Variants in DIP2C observed in about 807,000 individuals in gnomAD.
DIP2C encodes the protein DIP2 acetate--CoA ligase C (putative).
DIP2C carries 33 observed loss-of-function variants against 192.4 expected under a neutral mutation model. That is an observed-to-expected ratio of 0.17 (90% CI 0.13 to 0.23). The LOEUF is 0.23. Among genes scored for constraint, DIP2C ranks in the 10% least tolerant of loss-of-function variants. The probability of loss-of-function intolerance (pLI) is 1.00; values close to 1 mark genes in which losing one functional copy is unlikely to be tolerated. For synonymous variants in DIP2C, 979 were observed against 864.1 expected (o/e 1.13, Z -2.33); for missense variants, 1,537 against 2,110.1 (o/e 0.73, Z 5.32).
At position 361,844 on chromosome 10, in the gene DIP2C, A is replaced by C. The variant is rs542866529; in HGVS notation, c.2794+646T>G. Among the ~76,000 whole-genome samples, 15 of 152,296 alleles carry C rather than the reference A, an allele frequency of 9.8e-5. No homozygotes were observed. In the South Asian group the frequency reaches 1.0e-3, roughly 11 times the overall value. On this transcript the variant is annotated intron_variant, in intron 22 of 36. Coordinates refer to ENST00000280886, the MANE Select transcript of DIP2C (RefSeq NM_014974.3). ...GCCCATGGCTTGAGCGGCTCCCAAC[A>C]GAAGGCCACGCACCCACAGAATGTG...
rs768277382 is a variant in DIP2C at position 276,629 on chromosome 10, T to C, written c.*696A>G. The C allele has an allele frequency of 6.6e-6, 1 of 152,644 alleles. No individual in the cohort carries two copies. Among genetic ancestry groups the C allele is most frequent in the African/African-American group, 2.4e-5 (1 of 41,442 alleles). The allele number at this position is 152,644 out of a possible 1,614,324, so 9.5% of individuals were successfully genotyped here. ...TAATTACATATTGAGGAAGTTAACTTATTTTATCTTTTTAGTTTAGTACAA... is the reference window on the plus strand; with the variant it reads ...TAATTACATATTGAGGAAGTTAACTCATTTTATCTTTTTAGTTTAGTACAA... On this transcript the variant is annotated 3_prime_UTR_variant, in exon 37 of 37. Transcript: ENST00000280886.
At chr10:657,888 C>T (rs1274078960) in intron 1 of DIP2C, among the ~76,000 whole-genome samples, 1 of 146,220 alleles carries the variant, frequency 6.8e-6, no homozygotes, top group Admixed American at 6.9e-5. Flanking sequence ...TGGACCTGCC[C>T]CTGGACCTGC....
chr10:591,060 T>TA (rs1256645906), intron 1 of DIP2C, among the ~76,000 whole-genome samples: 1 of 152,032 alleles, frequency 6.6e-6, no homozygotes, highest in Non-Finnish European at 1.5e-5. Context: ...ATCCTGTCAC[T>TA]AAAAAATGAA....
chr10:631,226 T>C (rs1854500208), intron 1 of DIP2C: 1 of 152,250 alleles, frequency 6.6e-6, no homozygotes, highest in African/African-American at 2.4e-5. Context: ...AATTGTTAAT[T>C]TAATTAAAAC....
chr10:610,511 G>A (rs1355880707), intron 1 of DIP2C, among the ~76,000 whole-genome samples: 2 of 152,238 alleles, frequency 1.3e-5, no homozygotes, highest in African/African-American at 4.8e-5. Context: ...ACCCAGATTT[G>A]ATCAATATAG....
chr10:456,011 T>C (rs7086160), intron 3 of DIP2C, among the ~76,000 whole-genome samples: 2 of 45,202 alleles, frequency 4.4e-5, no homozygotes, highest in African/African-American at 2.1e-4. Flanking sequence ...GAGGGGAGAC[T>C]GTGAGGAATA....
intron 1 of DIP2C, among the ~76,000 whole-genome samples, chr10:559,728 C>T (rs1458396725): frequency 6.6e-6 from 1 of 152,170 alleles, no homozygotes; most frequent in Non-Finnish European, 1.5e-5. Context: ...GACTCTTGCA[C>T]CATGCACAAG....
intron 14 of DIP2C, among the ~76,000 whole-genome samples, chr10:385,930 G>T (rs1176540851): frequency 6.6e-6 from 1 of 152,166 alleles, no homozygotes; most frequent in Non-Finnish European, 1.5e-5. Context: ...GGGAGGTAAG[G>T]GTGTCTCAAA....
intron 31 of DIP2C, among the ~76,000 whole-genome samples, chr10:316,849 A>T (rs1268238295): frequency 1.3e-5 from 2 of 152,294 alleles, no homozygotes; most frequent in Admixed American, 1.3e-4. Context: ...TTGCTTTATC[A>T]TTTTTTATGG....
intron 1 of DIP2C, among the ~76,000 whole-genome samples, chr10:511,106 G>A (rs1343810443): frequency 6.6e-6 from 1 of 152,242 alleles, no homozygotes; most frequent in Non-Finnish European, 1.5e-5. Context: ...CGTTTCTGAA[G>A]TCGGTGTTTC....
At chr10:379,681 T>C (rs1962148920) in intron 17 of DIP2C, among the ~76,000 whole-genome samples, 1 of 152,236 alleles carries the variant, frequency 6.6e-6, no homozygotes, top group African/African-American at 2.4e-5. Flanking sequence ...ATTCTACAAA[T>C]AGTAAGCAAA....
intron 17 of DIP2C, among the ~76,000 whole-genome samples, chr10:381,178 T>C (rs907453518): frequency 6.6e-6 from 1 of 152,210 alleles, no homozygotes; most frequent in Admixed American, 6.5e-5. Context: ...CTCAGGAAAT[T>C]AGGGAGTCCA....
At chr10:493,025 C>T (rs907121772) in intron 1 of DIP2C, among the ~76,000 whole-genome samples, 1 of 152,222 alleles carries the variant, frequency 6.6e-6, no homozygotes. Context: ...TGCAGTGTGC[C>T]GCGCGGAGCA....
intron 1 of DIP2C, among the ~76,000 whole-genome samples, chr10:488,642 C>T (rs1844194790): frequency 6.6e-6 from 1 of 152,156 alleles, no homozygotes; most frequent in Non-Finnish European, 1.5e-5. Context: ...TGGGAAGTGC[C>T]CTTCTCCGAA....
intron 29 of DIP2C, among the ~76,000 whole-genome samples, chr10:340,230 C>A (rs1303304484): frequency 1.3e-5 from 2 of 151,196 alleles, no homozygotes; most frequent in African/African-American, 2.4e-5. Context: ...AAATCATAAC[C>A]AATTTCATAC....
intron 17 of DIP2C, among the ~76,000 whole-genome samples, chr10:381,125 C>T (rs1962332729): frequency 6.6e-6 from 1 of 152,138 alleles, no homozygotes; most frequent in African/African-American, 2.4e-5. Flanking sequence ...GGCTTCTCTC[C>T]TAAAGATTTT....
intron 1 of DIP2C, among the ~76,000 whole-genome samples, chr10:500,522 T>C (rs569792636): frequency 1.3e-5 from 2 of 152,378 alleles, no homozygotes; most frequent in South Asian, 4.1e-4. Flanking sequence ...TGAACTTTAT[T>C]TCCTCATTCA....
rs188535111 is a variant in DIP2C, at chr10:390,729, C to T, written c.1384+11G>A. 105 of 1,611,088 alleles carry T rather than the reference C, an allele frequency of 6.5e-5. 1 individual carries two copies. In the East Asian group the frequency reaches 1.9e-3, roughly 29 times the overall value. The stretch of plus-strand genomic sequence containing the variant: ...GTGGGCATGCGAGCTCTCGGAGGCT[C>T]GGTGGCTTACCTTTAAACTGTGGGA... On this transcript the variant is annotated intron_variant, in intron 11 of 36. Transcript: ENST00000280886.
rs954478569 is a variant in DIP2C at position 347,372 on chromosome 10, G to A, written c.3231+1269C>T. Among the ~76,000 whole-genome samples, 1,257 of 141,790 alleles carry A rather than the reference G, an allele frequency of 8.9e-3. 1 individual carries two copies. The highest frequency in any genetic ancestry group is 0.014 in the Non-Finnish European group (898 of 65,116). 93.0% of individuals were successfully genotyped at this position (141,790 alleles called of 152,430 possible). On this transcript the variant is annotated intron_variant, in intron 26 of 36. Transcript: ENST00000280886. Reference sequence around the variant, plus strand: ...CACACACCCAACCCAGACACATCGCGCATAGTTCTCCCGGAAACGTCACAC... The same window carrying A: ...CACACACCCAACCCAGACACATCGCACATAGTTCTCCCGGAAACGTCACAC...
Sources: gnomAD v4.1 joint callset for allele counts (sites outside exome capture counted in the v4.1 genomes callset) on GRCh38, gnomAD v4.1.1 for gene constraint, MANE v1.5 for transcripts, NCBI Gene and HGNC (gene_info 2026-07-23, HGNC 2026-07-21) for gene names.